The following HIVEP2 variants were observed in gnomAD, a reference collection of about 807,000 sequenced individuals.
HIVEP2 encodes the protein transcription factor HIVEP2.
A neutral mutation model predicts 180.7 loss-of-function variants in HIVEP2; 14 were observed. The ratio of observed to expected loss-of-function variants is 0.08; its 90% CI spans 0.05 to 0.12. HIVEP2 has a LOEUF of 0.12. Among genes scored for constraint, HIVEP2 ranks in the 10% least tolerant of loss-of-function variants. The probability of loss-of-function intolerance (pLI) is 1.00; values close to 1 mark genes in which losing one functional copy is unlikely to be tolerated. For synonymous variants in HIVEP2, 1,184 were observed against 1,136.4 expected (o/e 1.04, Z -0.84); for missense variants, 2,579 against 3,008.5 (o/e 0.86, Z 3.34).
intron 4 of HIVEP2, among the ~76,000 whole-genome samples, chr6:142,775,351 C>T (rs368877279): frequency 1.3e-4 from 19 of 151,984 alleles, no homozygotes; most frequent in East Asian, 7.7e-4. Flanking sequence ...GAATTTTGGT[C>T]ACTCTTTTAA....
At position 142,772,232 on chromosome 6, in the gene HIVEP2, G is replaced by C; in HGVS notation, c.2507C>G (p.Thr836Ser). 5 of 1,614,232 alleles carry C rather than the reference G, an allele frequency of 3.1e-6. No individual in the cohort carries two copies. The highest frequency in any genetic ancestry group is 4.2e-6 in the Non-Finnish European group (5 of 1,180,044). The change falls in exon 5 of 10, where the codon ACT (threonine) becomes AGT (serine). Residue 836 changes from threonine to serine, a missense_variant. This residue lies in a region of HIVEP2 where 524 missense variants were observed against 563.6 expected (regional missense o/e 0.93). Transcript: ENST00000367603. This position sits in a 1 kb window ranked among gnomAD's most constrained non-coding sequence, Gnocchi z 4.9. ...GGCTTCTGAAATCTCACTGTCACAA[G>C]TCTCTGAAGGGGAAGGGGCTTTATC... is the stretch of plus-strand genomic sequence containing the variant. ...TQDKAPSPSE[T>S]CDSEISEAPV... is the part of the protein sequence containing the mutation.
In HIVEP2 at chr6:142,760,185, A is replaced by T; in HGVS notation, c.6103T>A (p.Ser2035Thr). Residue 2035 changes from serine to threonine, a missense_variant, in exon 9 of 10, where the codon TCT (serine) becomes ACT (threonine). This residue lies in a region of HIVEP2 where 660 missense variants were observed against 731.7 expected (regional missense o/e 0.90). Transcript: ENST00000367603. ...ECMLPSEPSS[S>T]PRDFSPSSHH... ...CTTGAGGGTGAGAAGTCCCTGGGAG[A>T]GGAGCTTGGCTCTGAAGGTAGCATG... 1 of 1,614,044 alleles carries T rather than the reference A, an allele frequency of 6.2e-7. No homozygotes were observed. The highest frequency in any genetic ancestry group is 8.5e-7 in the Non-Finnish European group (1 of 1,179,970).
intron 2 of HIVEP2, among the ~76,000 whole-genome samples, chr6:142,833,192 T>A (rs1334892413): frequency 1.3e-5 from 2 of 152,160 alleles, no homozygotes; most frequent in Admixed American, 6.5e-5. Context: ...CCCCCCACCA[T>A]GAAGCCTCCG....
intron 2 of HIVEP2, among the ~76,000 whole-genome samples, chr6:142,831,359 A>G (rs900262106): frequency 6.6e-6 from 1 of 152,154 alleles, no homozygotes; most frequent in Admixed American, 6.5e-5. Flanking sequence ...GTTTGAATTC[A>G]TGGAAGTGCC....
At chr6:142,822,618 G>T (rs1757402975) in intron 2 of HIVEP2, among the ~76,000 whole-genome samples, 1 of 152,100 alleles carries the variant, frequency 6.6e-6, no homozygotes, top group Non-Finnish European at 1.5e-5. Context: ...CAAATTTTCT[G>T]AATTCTGTCC....
rs111993214 is a variant in HIVEP2 at position 142,841,587 on chromosome 6, C to A, written c.-640-4540G>T. Among the ~76,000 whole-genome samples the A allele has an allele frequency of 9.1e-3, 1,391 of 152,064 alleles. 13 individuals are homozygous for A. Among genetic ancestry groups the A allele is most frequent in the African/African-American group, 0.032 (1,313 of 41,498 alleles). On this transcript the variant is annotated intron_variant, in intron 1 of 9. Transcript: ENST00000367603. ...CATGAGTATATGTGGGAAATTTTCA[C>A]CCATTTTTTCAGATTATATTATTTA... is the stretch of plus-strand genomic sequence containing the variant.
chr6:142,842,754 G>GT (rs1351626758), intron 1 of HIVEP2, among the ~76,000 whole-genome samples: 1 of 151,560 alleles, frequency 6.6e-6, no homozygotes, highest in Non-Finnish European at 1.5e-5. Flanking sequence ...AAAAAAAAAA[G>GT]TAACTAAGGA....
At chr6:142,829,624 G>C (rs1165552145) in intron 2 of HIVEP2, among the ~76,000 whole-genome samples, 1 of 152,202 alleles carries the variant, frequency 6.6e-6, no homozygotes, top group Non-Finnish European at 1.5e-5. Context: ...ACTCATCATT[G>C]TATTCCTCCA....
intron 1 of HIVEP2, among the ~76,000 whole-genome samples, chr6:142,944,368 C>CCCA (rs1778253046): frequency 6.7e-6 from 1 of 148,672 alleles, no homozygotes; most frequent in African/African-American, 2.5e-5. Flanking sequence ...TCCACCCCCC[C>CCCA]CCCCCACCAA....
intron 3 of HIVEP2, among the ~76,000 whole-genome samples, chr6:142,779,076 T>C (rs578158706): frequency 6.6e-6 from 1 of 152,174 alleles, no homozygotes; most frequent in Non-Finnish European, 1.5e-5. Flanking sequence ...CCAGACTGTT[T>C]TCTTTTGTTC....
At chr6:142,933,649 A>C (rs1441386347) in intron 1 of HIVEP2, among the ~76,000 whole-genome samples, 1 of 152,198 alleles carries the variant, frequency 6.6e-6, no homozygotes, top group Non-Finnish European at 1.5e-5. Context: ...CACATTAGCA[A>C]ACTCCCACCA....
At chr6:142,915,415 AG>A (rs1777526254) in intron 1 of HIVEP2, among the ~76,000 whole-genome samples, 1 of 152,198 alleles carries the variant, frequency 6.6e-6, no homozygotes, top group Admixed American at 6.5e-5. Context: ...CCATGGCCAG[AG>A]GCTGGGAGAG....
chr6:142,911,012 A>C (rs1777388407), intron 1 of HIVEP2, among the ~76,000 whole-genome samples: 1 of 152,174 alleles, frequency 6.6e-6, no homozygotes. Context: ...TGCAAAATTT[A>C]ATGAATGCCA....
intron 3 of HIVEP2, 70 bp downstream of exon 3, chr6:142,783,451 A>G (rs1337618731): frequency 2.0e-5 from 3 of 152,024 alleles, no homozygotes; most frequent in Non-Finnish European, 2.9e-5. Context: ...ATGAGTCCAT[A>G]GTAGGCCAAA....
In HIVEP2 at chr6:142,773,784, A is replaced by T; in HGVS notation, c.955T>A (p.Leu319Met). ...ATCGGCACCTTCATTGGACCTCCCA[A>T]TGATTCTTCCAATGACCCATGATAG... ...GGYHGSLEES[L>M]GGPMKVPILI... Residue 319 changes from leucine (L) to methionine (M), a missense_variant, in exon 5 of 10, where the codon TTG becomes ATG. Physicochemically the swap from Leu to Met is conservative, Grantham distance 15. Around this residue, in one of 11 missense-constraint regions of HIVEP2, gnomAD observed 142 missense variants for 135.2 expected, o/e 1.05. Transcript: ENST00000367603. 1 of 1,614,022 alleles carries T rather than the reference A, an allele frequency of 6.2e-7. No homozygotes were observed. The highest frequency in any genetic ancestry group is 8.5e-7 in the Non-Finnish European group (1 of 1,180,048).
chr6:142,884,024 T>C (rs1055596540), intron 1 of HIVEP2, among the ~76,000 whole-genome samples: 13 of 152,324 alleles, frequency 8.5e-5, no homozygotes, highest in East Asian at 1.9e-4. Context: ...TATGACTTGA[T>C]GGGTGAAACA....
At position 142,765,002 on chromosome 6, in the gene HIVEP2, G is replaced by T. The variant is rs1399687036; in HGVS notation, c.5343-28C>A. On this transcript the variant is annotated intron_variant, in intron 6 of 9. Coordinates refer to ENST00000367603, the MANE Select transcript of HIVEP2 (RefSeq NM_006734.4). ...GTTTTAAAAAGAGGGAATCCAGTGT[G>T]TTTTCAAATATTCTTAGCATGCTAT... is the stretch of plus-strand genomic sequence containing the variant. The T allele has an allele frequency of 2.5e-6, 4 of 1,576,904 alleles. No individual in the cohort carries two copies. In the South Asian group the frequency reaches 4.6e-5, roughly 18 times the overall value.
chr6:142,808,416 G>A (rs1054700650), intron 2 of HIVEP2, among the ~76,000 whole-genome samples: 2 of 150,962 alleles, frequency 1.3e-5, no homozygotes, highest in Non-Finnish European at 3.0e-5. Flanking sequence ...ATAGATGGGT[G>A]GACAGAGGCA....
At chr6:142,884,158 T>G (rs1419576925) in intron 1 of HIVEP2, among the ~76,000 whole-genome samples, 2 of 152,196 alleles carry the variant, frequency 1.3e-5, no homozygotes, top group African/African-American at 4.8e-5. Context: ...CTAGGGCTTT[T>G]TTATCCTACA....
Sources: allele counts gnomAD v4.1 joint callset (sites outside exome capture counted in the v4.1 genomes callset), GRCh38; gene constraint gnomAD v4.1.1; regional missense constraint gnomAD v4.1.1; non-coding constraint Gnocchi (gnomAD v3.1); transcripts MANE v1.5; gene names NCBI Gene and HGNC (gene_info 2026-07-23, HGNC 2026-07-21).